The following ERN1 variants were observed in gnomAD, a reference collection of about 807,000 sequenced individuals.
ERN1 encodes endoplasmic reticulum to nucleus signaling 1.
In ERN1, 39 loss-of-function variants were observed where a neutral mutation model predicts 113.1. The ratio of observed to expected loss-of-function variants is 0.34; its 90% confidence interval spans 0.27 to 0.45. The LOEUF is 0.45. ERN1 is among the 20% of genes least tolerant of loss of function. The pLI is 1.00. For missense variants in ERN1, 976 were observed against 1,274.8 expected, an observed-to-expected ratio of 0.77 and a Z score of 3.57; for synonymous variants, 507 against 515.9, an observed-to-expected ratio of 0.98 and a Z score of 0.23.
chr17:64,097,385 T>C (rs1342010099), intron 2 of ERN1, among the ~76,000 whole-genome samples: 1 of 152,194 alleles, frequency 6.6e-6, no homozygotes, highest in Non-Finnish European at 1.5e-5. Flanking sequence ...CACAGAGTAG[T>C]GACGAAAGAG....
At chr17:64,094,490 T>C (rs929264341) in intron 2 of ERN1, among the ~76,000 whole-genome samples, 3 of 152,188 alleles carry the variant, frequency 2.0e-5, no homozygotes, top group African/African-American at 2.4e-5. Flanking sequence ...AGCAACTTTA[T>C]AGTACATGTG....
intron 2 of ERN1, among the ~76,000 whole-genome samples, chr17:64,088,962 A>G (rs1368592397): frequency 6.6e-6 from 1 of 152,128 alleles, no homozygotes; most frequent in African/African-American, 2.4e-5. Context: ...TGGGGAAGAA[A>G]GCCTTGAAAA....
chr17:64,047,388 C>A (rs950219509), intron 19 of ERN1, among the ~76,000 whole-genome samples: 1 of 152,038 alleles, frequency 6.6e-6, no homozygotes, highest in Non-Finnish European at 1.5e-5. Context: ...AATAAATAAG[C>A]TTATGACACT....
chr17:64,073,226 T>G (rs974702742), intron 5 of ERN1, among the ~76,000 whole-genome samples: 1 of 151,544 alleles, frequency 6.6e-6, no homozygotes, highest in Non-Finnish European at 1.5e-5. Context: ...TGGAGTGCAG[T>G]GGAGTGATCT....
chr17:64,057,936 C>T lies in ERN1; in HGVS notation c.1264G>A (p.Val422Met). 3 of 1,608,140 alleles carry T rather than the reference C, an allele frequency of 1.9e-6. No individual in the cohort carries two copies. The highest frequency in any genetic ancestry group is 2.5e-6 in the Non-Finnish European group (3 of 1,177,236). Residue 422 changes from valine (V) to methionine (M), a missense_variant, in exon 12 of 22, where the codon GTG (valine) becomes ATG (methionine). Transcript: ENST00000433197. ...ENAPTTVSRD[V>M]EEKPAHAPAR... ...GGGGCATGGGCGGGCTTCTCCTCCA[C>T]ATCCCGAGACACGGTGGTAGGTGCG...
At chr17:64,096,498 A>T (rs141666438) in intron 2 of ERN1, among the ~76,000 whole-genome samples, 1,798 of 152,320 alleles carry the variant, frequency 0.012, 36 homozygotes, top group African/African-American at 0.041. Flanking sequence ...TGTAGTAATA[A>T]TTATAGAAAT....
intron 5 of ERN1, among the ~76,000 whole-genome samples, chr17:64,073,504 T>G (rs1043986242): frequency 1.4e-5 from 2 of 147,468 alleles, no homozygotes; most frequent in African/African-American, 5.1e-5. Flanking sequence ...ATTTTTTATT[T>G]TTTTTGAGAC....
intron 1 of ERN1, among the ~76,000 whole-genome samples, chr17:64,100,883 A>T (rs1235685425): frequency 2.6e-5 from 4 of 152,324 alleles, no homozygotes; most frequent in African/African-American, 9.6e-5. Context: ...AAAGACACAG[A>T]AACAGAAAGC....
chr17:64,098,627 C>G, intron 1 of ERN1: 1 of 525,648 alleles, frequency 1.9e-6, no homozygotes, highest in Admixed American at 1.9e-5. Flanking sequence ...ATGCCAATAC[C>G]CACGCATACA....
intron 17 of ERN1, among the ~76,000 whole-genome samples, chr17:64,050,686 GA>G (rs1385403417): frequency 2.6e-5 from 4 of 152,192 alleles, no homozygotes; most frequent in Non-Finnish European, 5.9e-5. Flanking sequence ...ATGCAAGGGG[GA>G]AAATGAGGAC....
At chr17:64,092,638 T>C (rs1005649476) in intron 2 of ERN1, among the ~76,000 whole-genome samples, 8 of 152,322 alleles carry the variant, frequency 5.3e-5, no homozygotes, top group Middle Eastern at 3.4e-3. Flanking sequence ...CAGCTCTTCA[T>C]GCCTACTATT....
At chr17:64,100,523 C>A (rs1287933253) in intron 1 of ERN1, among the ~76,000 whole-genome samples, 1 of 152,152 alleles carries the variant, frequency 6.6e-6, no homozygotes, top group Non-Finnish European at 1.5e-5. Context: ...GTAATCCCAA[C>A]ATTTTGGGAG....
chr17:64,117,795 C>A (rs145863645), intron 1 of ERN1, among the ~76,000 whole-genome samples: 87 of 152,304 alleles, frequency 5.7e-4, no homozygotes, highest in African/African-American at 2.0e-3. Flanking sequence ...CCTTGCTCTG[C>A]TCTATGTTTC....
At chr17:64,092,279 A>G (rs1399791354) in intron 2 of ERN1, among the ~76,000 whole-genome samples, 4 of 151,958 alleles carry the variant, frequency 2.6e-5, no homozygotes, top group South Asian at 4.2e-4. Context: ...GCATCATTCT[A>G]TTTTCTCTAG....
intron 2 of ERN1, among the ~76,000 whole-genome samples, chr17:64,089,785 C>T (rs7220638): frequency 1.3e-5 from 2 of 152,014 alleles, no homozygotes; most frequent in Non-Finnish European, 2.9e-5. Flanking sequence ...GAGAAAGGAA[C>T]GATTTAAAGG....
At chr17:64,119,236 A>C (rs915832260) in intron 1 of ERN1, among the ~76,000 whole-genome samples, 2 of 152,084 alleles carry the variant, frequency 1.3e-5, no homozygotes, top group African/African-American at 4.8e-5. Flanking sequence ...TTTTAATATA[A>C]GGCCTATTAG....
chr17:64,044,176 C>T lies in ERN1; in HGVS notation c.2746G>A (p.Ala916Thr), dbSNP rs757530295. The T allele has an allele frequency of 2.2e-5, 34 of 1,573,910 alleles. No homozygotes were observed. The Middle Eastern group carries it at 6.8e-4, about 31-fold the overall frequency. The part of the protein sequence containing the change: ...NKKHHYRELP[A>T]EVRETLGSLP... ...GACCCCAGCGTCTCCCGCACCTCTGCAGGCAGCTCCCGGTAGTGGTGCTTC... is the reference window on the plus strand; with the variant it reads ...GACCCCAGCGTCTCCCGCACCTCTGTAGGCAGCTCCCGGTAGTGGTGCTTC... The change falls in exon 22 of 22, where the codon GCA becomes ACA. Residue 916 changes from alanine to threonine, a missense_variant. Physicochemically the swap from Ala to Thr is moderately conservative, Grantham distance 58 (BLOSUM62 0). Transcript: ENST00000433197. The surrounding 1 kb of genome is among the most constrained non-coding windows in gnomAD (Gnocchi z 4.1).
At chr17:64,100,029 G>A (rs1401988135) in intron 1 of ERN1, among the ~76,000 whole-genome samples, 1 of 152,166 alleles carries the variant, frequency 6.6e-6, no homozygotes. Context: ...AGTATAAATC[G>A]GCCAGGAAAA....
At position 64,049,135 on chromosome 17, in the gene ERN1, G is replaced by A; in HGVS notation, c.2321C>T (p.Pro774Leu). 6.2e-7 allele frequency: 1 copy of A among 1,610,386 alleles called. No individual in the cohort carries two copies. The highest frequency in any genetic ancestry group is 8.5e-7 in the Non-Finnish European group (1 of 1,177,160). The change falls in exon 18 of 22, where the codon CCT becomes CTT. Residue 774 changes from proline (P) to leucine (L), a missense_variant. By Grantham distance (98) the Pro-to-Leu change is moderately conservative. Around this residue, in one of 5 missense-constraint regions of ERN1, gnomAD observed 297 missense variants for 457.8 expected, o/e 0.65. Coordinates refer to ENST00000433197, the MANE Select transcript of ERN1 (RefSeq NM_001433.5). The surrounding 1 kb of genome is among the most constrained non-coding windows in gnomAD (Gnocchi z 4.7). ...FYYVISEGSH[P>L]FGKSLQRQAN... is the part of the protein sequence containing the mutation. The stretch of plus-strand genomic sequence containing the variant: ...CTGCCGCTGCAGGGACTTGCCAAAA[G>A]GGTGGCTGCCCTCAGAGATTACGTA...
Sources: allele counts gnomAD v4.1 joint callset (sites outside exome capture counted in the v4.1 genomes callset), GRCh38; gene constraint gnomAD v4.1.1; regional missense constraint gnomAD v4.1.1; non-coding constraint Gnocchi (gnomAD v3.1); transcripts MANE v1.5; gene names NCBI Gene and HGNC (gene_info 2026-07-23, HGNC 2026-07-21).